The following ARHGAP19 variants were observed in gnomAD, a reference collection of about 807,000 sequenced individuals.
ARHGAP19 encodes the protein rho GTPase-activating protein 19.
ARHGAP19 carries 48 observed loss-of-function variants against 60.9 expected under a neutral mutation model. The observed-to-expected ratio is 0.79, with a 90% CI of 0.62 to 1.00. The LOEUF is 1.00. Among genes scored for constraint, ARHGAP19 ranks in the 50% least tolerant of loss-of-function variants. The pLI is 0.00. For synonymous variants in ARHGAP19, 209 were observed against 215.5 expected (o/e 0.97, Z 0.27); for missense variants, 562 against 597.2 (o/e 0.94, Z 0.61).
intron 6 of ARHGAP19, among the ~76,000 whole-genome samples, chr10:97,252,753 C>T (rs1053481817): frequency 5.3e-5 from 8 of 152,078 alleles, no homozygotes; most frequent in Non-Finnish European, 8.8e-5. Context: ...GAAGACTTCT[C>T]AAAAAACTAA....
intron 9 of ARHGAP19, among the ~76,000 whole-genome samples, chr10:97,234,292 T>C (rs1455403983): frequency 6.6e-6 from 1 of 150,472 alleles, no homozygotes. Context: ...AAAATAAAAA[T>C]AGCTAACGCA....
rs1842528951 is a variant in ARHGAP19, at chr10:97,244,119, A to G, written c.1034T>C (p.Phe345Ser). 3 of 1,614,014 alleles carry G rather than the reference A, an allele frequency of 1.9e-6. No homozygotes were observed. The highest frequency in any genetic ancestry group is 2.5e-6 in the Non-Finnish European group (3 of 1,179,974). Reference protein sequence around the residue: ...DLIASCHTKSFQLAKSQKRNR... With the variant: ...DLIASCHTKSSQLAKSQKRNR... Reference sequence around the variant, plus strand: ...CCGTTTCTGAGACTTTGCCAGCTGAAAGGACTTAGTATGACATGAAGCTAT... The same window carrying G: ...CCGTTTCTGAGACTTTGCCAGCTGAGAGGACTTAGTATGACATGAAGCTAT... The change falls in exon 8 of 12, where the codon TTT (phenylalanine) becomes TCT (serine). Residue 345 changes from phenylalanine to serine, a missense_variant. Phe to Ser is a radical substitution (Grantham distance 155). Transcript: ENST00000358531.
Position 97,292,619 on chromosome 10 carries a change from A to C in ARHGAP19, c.9T>G (p.Thr3=). 1 of 1,614,192 alleles carries C rather than the reference A, an allele frequency of 6.2e-7. No homozygotes were observed. The highest frequency in any genetic ancestry group is 8.5e-7 in the Non-Finnish European group (1 of 1,180,038). ...GCACCTCCCCTTCACTCTGTGCCTC[A>C]GTCGCCATCTTCGTCAGCAAACTTC... The part of the protein sequence containing the change: MA[T]EAQSEGEVPA... Residue 3 remains threonine, a synonymous_variant, in exon 1 of 12, where the codon ACT becomes ACG. Coordinates refer to ENST00000358531, the MANE Select transcript of ARHGAP19 (RefSeq NM_032900.6).
At chr10:97,267,556 C>A (rs1353275451) in intron 1 of ARHGAP19, among the ~76,000 whole-genome samples, 1 of 152,272 alleles carries the variant, frequency 6.6e-6, no homozygotes, top group African/African-American at 2.4e-5. Context: ...CTGAACTGCC[C>A]TAGCAGAGGT....
chr10:97,264,376 C>T (rs890662731), intron 3 of ARHGAP19, among the ~76,000 whole-genome samples: 2 of 151,858 alleles, frequency 1.3e-5, no homozygotes, highest in Admixed American at 1.3e-4. Flanking sequence ...TCACCTGAGC[C>T]CGGGAGGTCA....
intron 1 of ARHGAP19, among the ~76,000 whole-genome samples, chr10:97,282,810 T>C (rs1265642435): frequency 2.6e-5 from 4 of 151,652 alleles, no homozygotes; most frequent in African/African-American, 9.7e-5. Flanking sequence ...AAATGTTCTC[T>C]GTTTAAAGTA....
chr10:97,235,315 A>G lies in ARHGAP19; in HGVS notation c.1186T>C (p.Phe396Leu). 1 of 1,604,344 alleles carries G rather than the reference A, an allele frequency of 6.2e-7. No homozygotes were observed. Among genetic ancestry groups the G allele is most frequent in the South Asian group, 1.1e-5 (1 of 90,732 alleles). ...SAKKKQLIRQ[F>L]NKQSLTQTPG... Reference sequence around the variant, plus strand: ...GTCTGGGTCAATGATTGCTTATTAAACTAAAAGAAAACATGGAGAACATTT... The same window carrying G: ...GTCTGGGTCAATGATTGCTTATTAAGCTAAAAGAAAACATGGAGAACATTT... The change falls in exon 9 of 12, where the codon TTT (phenylalanine) becomes CTT (leucine). Residue 396 changes from phenylalanine (F) to leucine (L), a missense_variant and splice_region_variant. Coordinates refer to ENST00000358531, the MANE Select transcript of ARHGAP19 (RefSeq NM_032900.6).
At chr10:97,270,703 T>G in intron 1 of ARHGAP19, 1 of 1,538,190 alleles carries the variant, frequency 6.5e-7, no homozygotes, top group South Asian at 1.2e-5. Context: ...CTCCTTTCCC[T>G]GCCCCAGCAC....
chr10:97,286,680 C>A (rs1220838453), intron 1 of ARHGAP19, among the ~76,000 whole-genome samples: 1 of 152,250 alleles, frequency 6.6e-6, no homozygotes, highest in African/African-American at 2.4e-5. Flanking sequence ...ACCCTTTCCA[C>A]ATCTTCAGAC....
intron 9 of ARHGAP19, among the ~76,000 whole-genome samples, chr10:97,232,471 C>T (rs562091838): frequency 6.6e-6 from 1 of 152,126 alleles, no homozygotes; most frequent in African/African-American, 2.4e-5. Flanking sequence ...CCTCTGCCCA[C>T]TCTTTAATGA....
At chr10:97,279,270 C>T (rs1195222675) in intron 1 of ARHGAP19, among the ~76,000 whole-genome samples, 1 of 152,082 alleles carries the variant, frequency 6.6e-6, no homozygotes, top group Non-Finnish European at 1.5e-5. Flanking sequence ...ATTAATAAGT[C>T]GTACCACAAT....
rs569690808 is a variant in ARHGAP19, at chr10:97,244,282, C to G, written c.994-123G>C. 102 of 670,428 alleles carry G rather than the reference C, an allele frequency of 1.5e-4. 1 individual carries two copies. The highest frequency in any genetic ancestry group is 2.4e-4 in the Non-Finnish European group (99 of 416,434). 41.5% of individuals were successfully genotyped at this position (670,428 alleles called of 1,614,324 possible). On this transcript the variant is annotated intron_variant, in intron 7 of 11. Coordinates refer to ENST00000358531, the MANE Select transcript of ARHGAP19 (RefSeq NM_032900.6). ...CATGGTATACTCCTATACTCAGGAA[C>G]AAGAAAAATCTTAACACTATTATCA...
rs1842801304 is a variant in ARHGAP19 at position 97,259,590 on chromosome 10, T to C, written c.652A>G (p.Ile218Val). The C allele has an allele frequency of 1.9e-6, 3 of 1,614,070 alleles. No homozygotes were observed. Among genetic ancestry groups the C allele is most frequent in the African/African-American group, 2.7e-5 (2 of 74,924 alleles). The change falls in exon 5 of 12, where the codon ATA becomes GTA. Residue 218 changes from isoleucine to valine, a missense_variant. Coordinates refer to ENST00000358531, the MANE Select transcript of ARHGAP19 (RefSeq NM_032900.6). ...TCAATTTGCCGGTCCTTGTCTGGTATATTGGTCTTGTTTCCTTTATCATCA... is the reference window on the plus strand; with the variant it reads ...TCAATTTGCCGGTCCTTGTCTGGTACATTGGTCTTGTTTCCTTTATCATCA... ...QFDDKGNKTN[I>V]PDKDRQIEAL...
chr10:97,231,059 C>CAAAAAAAAAAAAAAA (rs869291841), intron 9 of ARHGAP19, among the ~76,000 whole-genome samples: 41 of 59,762 alleles, frequency 6.9e-4, no homozygotes, highest in Non-Finnish European at 7.4e-4. Context: ...CTTGTCTCAC[C>CAAAAAAAAAAAAAAA]AAAAAAAAAA....
chr10:97,280,601 T>C (rs970533452), intron 1 of ARHGAP19, among the ~76,000 whole-genome samples: 3 of 151,642 alleles, frequency 2.0e-5, no homozygotes, highest in Non-Finnish European at 4.4e-5. Flanking sequence ...TTTTTTCCCC[T>C]AAGACAGGGT....
rs1589463114 is a variant in ARHGAP19, at chr10:97,259,433, A to G, written c.809T>C (p.Met270Thr). Residue 270 changes from methionine to threonine, a missense_variant, in exon 5 of 12, where the codon ATG becomes ACG. Met to Thr is a moderately conservative substitution (Grantham distance 81). Transcript: ENST00000358531. The part of the protein sequence containing the change: ...NKMSAYNLAL[M>T]FAPHVLWPKN... ...TGGCCACAGGACATGGGGTGCAAAC[A>G]TAAGGGCAAGGTTATAGGCTGACAT... 6.2e-7 allele frequency: 1 copy of G among 1,614,166 alleles called. No homozygotes were observed. Among genetic ancestry groups the G allele is most frequent in the Non-Finnish European group, 8.5e-7 (1 of 1,180,018 alleles).
chr10:97,288,023 T>C (rs538468327), intron 1 of ARHGAP19, among the ~76,000 whole-genome samples: 8 of 152,112 alleles, frequency 5.3e-5, no homozygotes, highest in Non-Finnish European at 1.0e-4. Context: ...GATCGTGCCA[T>C]TGCATTCCAG....
intron 4 of ARHGAP19, among the ~76,000 whole-genome samples, chr10:97,262,366 A>T (rs940236475): frequency 5.1e-4 from 78 of 151,882 alleles, no homozygotes; most frequent in African/African-American, 6.8e-4. Context: ...AATAATTTTT[A>T]AAAAAAATAA....
chr10:97,285,883 T>C (rs1843148237), intron 1 of ARHGAP19, among the ~76,000 whole-genome samples: 2 of 152,228 alleles, frequency 1.3e-5, no homozygotes, highest in Admixed American at 1.3e-4. Flanking sequence ...TTTATAACAC[T>C]ACCGACCCAA....
Sources: allele counts gnomAD v4.1 joint callset (sites outside exome capture counted in the v4.1 genomes callset), GRCh38; gene constraint gnomAD v4.1.1; transcripts MANE v1.5; gene names NCBI Gene and HGNC (gene_info 2026-07-23, HGNC 2026-07-21).